SNX8: variants seen among roughly 807,000 people sequenced by gnomAD.
SNX8 encodes the protein sorting nexin-8.
A neutral mutation model predicts 51.6 loss-of-function variants in SNX8; 25 were observed. That is an observed-to-expected ratio of 0.48 (90% confidence interval 0.35 to 0.68). SNX8 has a LOEUF of 0.68. SNX8 is among the 30% of genes least tolerant of loss of function. SNX8 has a pLI of 0.00. For synonymous variants in SNX8, 324 were observed against 277.0 expected (o/e 1.17, Z -1.68); for missense variants, 695 against 624.0 (o/e 1.11, Z -1.21).
intron 1 of SNX8, among the ~76,000 whole-genome samples, chr7:2,314,110 C>A (rs890099321): frequency 5.3e-5 from 8 of 152,116 alleles, no homozygotes; most frequent in African/African-American, 1.9e-4. Context: ...GGCAGGGGAC[C>A]CCGAGGGACG....
intron 1 of SNX8, among the ~76,000 whole-genome samples, chr7:2,333,370 G>A (rs973825560): frequency 1.3e-5 from 2 of 152,074 alleles, no homozygotes; most frequent in African/African-American, 4.8e-5. Context: ...GAACATCCTG[G>A]CAAACATGGT....
chr7:2,314,392 G>A lies in SNX8; in HGVS notation c.30C>T (p.Pro10=), dbSNP rs776980287. The change falls in exon 1 of 11, where the codon CCC becomes CCT. Residue 10 remains proline, a synonymous_variant. Coordinates refer to ENST00000222990, the MANE Select transcript of SNX8 (RefSeq NM_013321.4). The part of the protein sequence containing the change: MTGRAMDPL[P]AAAVGAAAEA... ...CAGCTGCCGCCCCGACTGCAGCCGC[G>A]GGCAGCGGGTCCATCGCGCGGCCAG... The A allele has an allele frequency of 9.8e-4, 1,200 of 1,220,782 alleles. 2 individuals carry two copies. The highest frequency in any genetic ancestry group is 1.1e-3 in the Non-Finnish European group (1,126 of 980,626). The allele number at this position is 1,220,782 out of a possible 1,614,324, so 75.6% of individuals were successfully genotyped here. A position where few individuals can be genotyped will look rare whatever the true frequency, so the allele number is the denominator to read the frequency against.
intron 1 of SNX8, among the ~76,000 whole-genome samples, chr7:2,347,687 C>T (rs1482700333): frequency 6.7e-6 from 1 of 150,100 alleles, no homozygotes; most frequent in African/African-American, 2.5e-5. Context: ...GCTCTGTCAC[C>T]CAGGCTGGAG....
At chr7:2,332,551 G>C (rs1395409056) in intron 1 of SNX8, among the ~76,000 whole-genome samples, 1 of 151,996 alleles carries the variant, frequency 6.6e-6, no homozygotes, top group Non-Finnish European at 1.5e-5. Context: ...CCAGGAGTTT[G>C]AGACAAGCCT....
chr7:2,301,367 A>T (rs1796388660), intron 1 of SNX8, among the ~76,000 whole-genome samples: 2 of 152,132 alleles, frequency 1.3e-5, no homozygotes, highest in African/African-American at 4.8e-5. Context: ...CCAGCCCCCA[A>T]ATTCGGGCTT....
At chr7:2,353,538 TC>T (rs1450715987) in intron 1 of SNX8, among the ~76,000 whole-genome samples, 1 of 152,128 alleles carries the variant, frequency 6.6e-6, no homozygotes, top group African/African-American at 2.4e-5. Context: ...TGTCTTGGCC[TC>T]CCAAAGTACT....
chr7:2,335,033 TAAG>T (rs1353569774), intron 1 of SNX8, among the ~76,000 whole-genome samples: 1 of 151,324 alleles, frequency 6.6e-6, no homozygotes, highest in Non-Finnish European at 1.5e-5. Context: ...CAGTCTCTAC[TAAG>T]AATACATAAA....
At chr7:2,261,999 T>G (rs1207550253) in intron 7 of SNX8, among the ~76,000 whole-genome samples, 1 of 152,168 alleles carries the variant, frequency 6.6e-6, no homozygotes, top group Non-Finnish European at 1.5e-5. Context: ...TCCCAAGAAA[T>G]AGGAACTAGG....
At chr7:2,329,981 C>T (rs1240349422) in intron 1 of SNX8, among the ~76,000 whole-genome samples, 1 of 121,914 alleles carries the variant, frequency 8.2e-6, no homozygotes, top group Non-Finnish European at 1.7e-5. Context: ...ATTACAGGTG[C>T]ATGCCACCAC....
At chr7:2,312,014 G>T (rs1796668839) in intron 1 of SNX8, among the ~76,000 whole-genome samples, 1 of 151,976 alleles carries the variant, frequency 6.6e-6, no homozygotes, top group Non-Finnish European at 1.5e-5. Flanking sequence ...CAGAAGGACA[G>T]TCTACGTCCC....
rs755486971 is a variant in SNX8, at chr7:2,257,758, A to G, written c.961T>C (p.Leu321=). 355 of 1,613,948 alleles carry G rather than the reference A, an allele frequency of 2.2e-4. 3 individuals carry two copies. The Admixed American group carries it at 5.9e-3, about 27-fold the overall frequency. ...NDVVEKLNLF[L]DLLQSYKDLC... ...ACCTTATAGGACTGCAGCAGATCCAAGAAGAGGTTCAGCTTCTCCACCACG... is the reference window on the plus strand; with the variant it reads ...ACCTTATAGGACTGCAGCAGATCCAGGAAGAGGTTCAGCTTCTCCACCACG... Residue 321 remains leucine, a synonymous_variant, in exon 8 of 11, where the codon TTG becomes CTG. Transcript: ENST00000222990.
intron 8 of SNX8, 42 bp downstream of exon 8, chr7:2,257,693 C>T (rs1477177802): frequency 6.2e-7 from 1 of 1,602,510 alleles, no homozygotes. Context: ...TAAGATCATT[C>T]CTGAAAGTTC....
chr7:2,319,729 G>A (rs1796804607), intron 1 of SNX8, among the ~76,000 whole-genome samples: 2 of 149,408 alleles, frequency 1.3e-5, no homozygotes, highest in Admixed American at 1.3e-4. Context: ...GCAGGAGAAT[G>A]GTGCGAACCT....
chr7:2,316,066 C>T (rs1217276319), upstream of SNX8, among the ~76,000 whole-genome samples: 1 of 150,968 alleles, frequency 6.6e-6, no homozygotes, highest in South Asian at 2.1e-4. Context: ...CATCTACCCA[C>T]CCACTCACTC....
At chr7:2,294,879 A>G (rs557704725) in intron 1 of SNX8, among the ~76,000 whole-genome samples, 1 of 152,102 alleles carries the variant, frequency 6.6e-6, no homozygotes, top group South Asian at 2.1e-4. Flanking sequence ...ACAAAAAAAT[A>G]AAAAGTCAGG....
At chr7:2,309,886 C>T (rs576664010) in intron 1 of SNX8, 3 of 470,908 alleles carry the variant, frequency 6.4e-6, no homozygotes, top group East Asian at 6.9e-5. Flanking sequence ...GGGGAAGGCT[C>T]GGGGCAGGGG....
intron 4 of SNX8, among the ~76,000 whole-genome samples, chr7:2,271,362 A>T (rs1795640480): frequency 6.6e-6 from 1 of 152,216 alleles, no homozygotes; most frequent in Admixed American, 6.5e-5. Context: ...CTTGACACAC[A>T]ATAAGGCTGT....
At chr7:2,345,152 C>G (rs1778997082) in intron 1 of SNX8, among the ~76,000 whole-genome samples, 1 of 152,058 alleles carries the variant, frequency 6.6e-6, no homozygotes, top group Non-Finnish European at 1.5e-5. Context: ...TAAGAGTCTT[C>G]ACTGTAATAC....
upstream of SNX8, among the ~76,000 whole-genome samples, chr7:2,316,405 CCACT>C (rs1452251090): frequency 4.9e-5 from 7 of 142,884 alleles, no homozygotes; most frequent in South Asian, 2.3e-4. Context: ...ATTCACGCAA[CCACT>C]CACTCACTGC....
Sources: allele counts gnomAD v4.1 joint callset (sites outside exome capture counted in the v4.1 genomes callset), GRCh38; gene constraint gnomAD v4.1.1; transcripts MANE v1.5; gene names NCBI Gene and HGNC (gene_info 2026-07-23, HGNC 2026-07-21).